CCM2: variants seen among roughly 807,000 people sequenced by gnomAD.
CCM2 encodes cerebral cavernous malformations 2 protein.
Under a neutral mutation model 44.9 loss-of-function variants are expected in CCM2, and 25 were observed. The observed-to-expected ratio is 0.56, with a 90% CI of 0.41 to 0.78. CCM2 has a LOEUF of 0.78. Among genes scored for constraint, CCM2 ranks in the 30% least tolerant of loss-of-function variants. The pLI, the probability that CCM2 is intolerant of heterozygous loss-of-function variation, is 0.00. For missense variants in CCM2, 481 were observed against 580.6 expected, an observed-to-expected ratio of 0.83 and a Z score of 1.76; for synonymous variants, 219 against 241.1, an observed-to-expected ratio of 0.91 and a Z score of 0.85.
At chr7:45,016,259 A>C (rs1488460379) in intron 1 of CCM2, among the ~76,000 whole-genome samples, 1 of 152,248 alleles carries the variant, frequency 6.6e-6, no homozygotes, top group African/African-American at 2.4e-5. Flanking sequence ...TCAACAGGTT[A>C]TAGGAGGAGT....
chr7:45,072,869 C>G (rs1799147621), intron 7 of CCM2, 86 bp downstream of exon 7: 1 of 1,135,606 alleles, frequency 8.8e-7, no homozygotes, highest in African/African-American at 1.5e-5. Context: ...CAGTCAGCTC[C>G]CCCATCTCAG....
intron 1 of CCM2, among the ~76,000 whole-genome samples, chr7:45,002,850 A>T (rs1795698691): frequency 6.6e-6 from 1 of 151,988 alleles, no homozygotes; most frequent in Non-Finnish European, 1.5e-5. Context: ...TGATGGGGAG[A>T]TGGATCACTC....
intron 1 of CCM2, 91 bp downstream of exon 1, chr7:45,000,454 C>CGT: frequency 1.2e-5 from 1 of 80,984 alleles, no homozygotes. Flanking sequence ...CCTTGGGGCC[C>CGT]GGGGGGGGGG....
chr7:45,064,397 A>C (rs746767029), intron 3 of CCM2, 66 bp from the exon 4 acceptor site: 60 of 1,515,890 alleles, frequency 4.0e-5, no homozygotes, highest in Non-Finnish European at 5.3e-5. Context: ...CAATATTCTC[A>C]GGAGAAGCGC....
At chr7:45,016,696 G>A (rs1159525161) in intron 1 of CCM2, among the ~76,000 whole-genome samples, 1 of 149,888 alleles carries the variant, frequency 6.7e-6, no homozygotes, top group Non-Finnish European at 1.5e-5. Context: ...GCAGTGGCGC[G>A]ATCCTGGCTC....
At chr7:45,073,910 A>C in intron 8 of CCM2, 1 of 519,224 alleles carries the variant, frequency 1.9e-6, no homozygotes, top group Non-Finnish European at 3.5e-6. Flanking sequence ...CTGTCATTGC[A>C]AACTCAAGTC....
Position 45,072,759 on chromosome 7 carries a change from C to A in CCM2, c.779C>A (p.Thr260Asn). The change falls in exon 7 of 10, where the codon ACC (threonine) becomes AAC (asparagine). Residue 260 changes from threonine to asparagine, a missense_variant. Physicochemically the swap from Thr to Asn is moderately conservative, Grantham distance 65. Transcript: ENST00000258781. ...DSSTKVDIKE[T>N]YEVEASTFCF... is the part of the protein sequence containing the mutation. ...TCTACAAAAGTGGACATTAAGGAGACCTACGAGGTGGAAGCCAGCACTTTG... is the reference window on the plus strand; with the variant it reads ...TCTACAAAAGTGGACATTAAGGAGAACTACGAGGTGGAAGCCAGCACTTTG... 6.2e-7 allele frequency: 1 copy of A among 1,612,832 alleles called. No homozygotes were observed.
intron 1 of CCM2, among the ~76,000 whole-genome samples, chr7:45,027,997 G>A (rs536370336): frequency 6.6e-6 from 1 of 152,254 alleles, no homozygotes; most frequent in Admixed American, 6.5e-5. Flanking sequence ...TGTGGCAAGG[G>A]GCGTGTATGG....
intron 1 of CCM2, among the ~76,000 whole-genome samples, chr7:45,025,530 TTTTC>T (rs1437202838): frequency 6.7e-5 from 7 of 104,486 alleles, no homozygotes; most frequent in African/African-American, 3.0e-4. Context: ...TGTTCTCTCT[TTTTC>T]TTTTTTTTTT....
intron 2 of CCM2, among the ~76,000 whole-genome samples, chr7:45,041,650 A>G (rs1444830077): frequency 6.6e-6 from 1 of 152,206 alleles, no homozygotes; most frequent in African/African-American, 2.4e-5. Context: ...ACCAAACATG[A>G]TAGAAAGGAC....
chr7:45,000,405 C>CG (rs1795546269), intron 1 of CCM2, 42 bp downstream of exon 1: 1 of 920,060 alleles, frequency 1.1e-6, no homozygotes, highest in East Asian at 4.9e-5. Flanking sequence ...GGTCGGCGGG[C>CG]GGCTGGGTTG....
chr7:45,062,647 C>T (rs1798578676), intron 2 of CCM2, among the ~76,000 whole-genome samples: 1 of 152,100 alleles, frequency 6.6e-6, no homozygotes, highest in South Asian at 2.1e-4. Context: ...CCAGCCTGGG[C>T]TACATGGCAA....
intron 1 of CCM2, among the ~76,000 whole-genome samples, chr7:45,012,528 T>C (rs1796106511): frequency 6.6e-6 from 1 of 152,160 alleles, no homozygotes; most frequent in Admixed American, 6.6e-5. Context: ...CTGATATTAA[T>C]ATAGCTACAC....
At chr7:45,050,726 A>G (rs1797963315) in intron 2 of CCM2, among the ~76,000 whole-genome samples, 1 of 152,188 alleles carries the variant, frequency 6.6e-6, no homozygotes, top group South Asian at 2.1e-4. Flanking sequence ...TCTTTGCAGT[A>G]GCTCTCAGTG....
chr7:45,027,537 A>G, intron 1 of CCM2: 1 of 1,300,780 alleles, frequency 7.7e-7, no homozygotes, highest in Non-Finnish European at 1.1e-6. Flanking sequence ...TTTTGCCAAC[A>G]GTTTCTGGGT....
At position 45,076,212 on chromosome 7, in the gene CCM2, A is replaced by G; in HGVS notation, c.*155A>G. ...GGGCGGCCCAGGTCCTCTACTGTGA[A>G]GGAGCAGGGAGCTGCCGAGGGACAC... On this transcript the variant is annotated 3_prime_UTR_variant, in exon 10 of 10. Transcript: ENST00000258781. 9.9e-7 allele frequency: 1 copy of G among 1,012,164 alleles called. No individual in the cohort carries two copies. The highest frequency in any genetic ancestry group is 1.5e-6 in the Non-Finnish European group (1 of 670,530). The allele number at this position is 1,012,164 out of a possible 1,614,324, so 62.7% of individuals were successfully genotyped here.
chr7:45,061,981 C>T (rs1180532085), intron 2 of CCM2, among the ~76,000 whole-genome samples: 2 of 152,164 alleles, frequency 1.3e-5, no homozygotes, highest in Admixed American at 6.5e-5. Context: ...TTTGTCAGTT[C>T]CCCTTTCCTC....
intron 2 of CCM2, among the ~76,000 whole-genome samples, chr7:45,058,703 T>C (rs1426014769): frequency 1.3e-5 from 2 of 152,140 alleles, no homozygotes; most frequent in East Asian, 3.9e-4. Context: ...GTGTTAGATT[T>C]GTCAAATGCT....
At chr7:45,024,058 G>A (rs1260499777) in intron 1 of CCM2, among the ~76,000 whole-genome samples, 2 of 152,062 alleles carry the variant, frequency 1.3e-5, no homozygotes. Flanking sequence ...TGATCCTCCT[G>A]CCTTGGCCTC....
Sources: gnomAD v4.1 joint callset for allele counts (sites outside exome capture counted in the v4.1 genomes callset) on GRCh38, gnomAD v4.1.1 for gene constraint, MANE v1.5 for transcripts, NCBI Gene and HGNC (gene_info 2026-07-23, HGNC 2026-07-21) for gene names.